Variants in CALCR observed in about 807,000 individuals in gnomAD.
CALCR encodes calcitonin receptor.
Under a neutral mutation model 59.5 loss-of-function variants are expected in CALCR, and 47 were observed. That is an observed-to-expected ratio of 0.79 (90% CI 0.63 to 1.01). The LOEUF is 1.01. Among genes scored for constraint, CALCR ranks in the 50% least tolerant of loss-of-function variants. The probability of loss-of-function intolerance (pLI) is 0.00; values close to 1 mark genes in which losing one functional copy is unlikely to be tolerated. For synonymous variants in CALCR, 213 were observed against 211.3 expected (o/e 1.01, Z -0.07); for missense variants, 566 against 597.1 (o/e 0.95, Z 0.54).
chr7:93,526,583 A>T (rs1288929558), intron 2 of CALCR, among the ~76,000 whole-genome samples: 1 of 152,096 alleles, frequency 6.6e-6, no homozygotes, highest in Non-Finnish European at 1.5e-5. Flanking sequence ...GGTCATAAAG[A>T]ATGTTAATAA....
At chr7:93,438,536 C>T (rs1467773646) in intron 9 of CALCR, among the ~76,000 whole-genome samples, 1 of 152,166 alleles carries the variant, frequency 6.6e-6, no homozygotes, top group African/African-American at 2.4e-5. Context: ...GTAGCAGGTA[C>T]ACTATGACTA....
chr7:93,559,185 G>A (rs1467579329), intron 2 of CALCR, among the ~76,000 whole-genome samples: 1 of 152,038 alleles, frequency 6.6e-6, no homozygotes, highest in Non-Finnish European at 1.5e-5. Context: ...TTAAAAATTA[G>A]TAGGCACATT....
At chr7:93,507,360 T>A (rs918033484) in intron 2 of CALCR, among the ~76,000 whole-genome samples, 1 of 151,740 alleles carries the variant, frequency 6.6e-6, no homozygotes, top group Non-Finnish European at 1.5e-5. Context: ...AAAACATTAG[T>A]TTAGGAGCAG....
chr7:93,510,739 G>A (rs1801528619), intron 2 of CALCR, among the ~76,000 whole-genome samples: 1 of 152,088 alleles, frequency 6.6e-6, no homozygotes, highest in South Asian at 2.1e-4. Flanking sequence ...CTAGGTGTCT[G>A]TAGTCCCAGC....
Position 93,487,000 on chromosome 7 carries a change from T to A in CALCR, c.-19A>T. The A allele has an allele frequency of 6.4e-7, 1 of 1,553,630 alleles. No homozygotes were observed. Among genetic ancestry groups the A allele is most frequent in the Non-Finnish European group, 8.9e-7 (1 of 1,129,198 alleles). On this transcript the variant is annotated 5_prime_UTR_variant, in exon 3 of 14. Transcript: ENST00000426151. ...ACCTCATTTTTGATTTTTGAAGATC[T>A]CTTTGTCCTAGAAAAATATAAAAGC...
chr7:93,511,571 A>G (rs1801546811), intron 2 of CALCR, among the ~76,000 whole-genome samples: 1 of 152,178 alleles, frequency 6.6e-6, no homozygotes, highest in Admixed American at 6.5e-5. Flanking sequence ...AAATTACTAG[A>G]TATGTGAAAA....
chr7:93,450,211 C>A (rs1418152924), intron 8 of CALCR, among the ~76,000 whole-genome samples: 1 of 151,980 alleles, frequency 6.6e-6, no homozygotes, highest in East Asian at 1.9e-4. Context: ...GGAAAAACCT[C>A]CTTTAAAGAT....
intron 8 of CALCR, among the ~76,000 whole-genome samples, chr7:93,444,648 A>G (rs1197735724): frequency 2.0e-5 from 3 of 152,058 alleles, no homozygotes; most frequent in Non-Finnish European, 2.9e-5. Context: ...GATGTTGCCC[A>G]GTCTTCCCTG....
chr7:93,426,861 G>T (rs1427290474), intron 13 of CALCR, among the ~76,000 whole-genome samples: 7 of 152,182 alleles, frequency 4.6e-5, no homozygotes, highest in Non-Finnish European at 1.0e-4. Flanking sequence ...CATATCCAAT[G>T]AATAAAAGTT....
At chr7:93,571,877 T>C (rs1019115075) in intron 2 of CALCR, among the ~76,000 whole-genome samples, 12 of 152,148 alleles carry the variant, frequency 7.9e-5, no homozygotes, top group African/African-American at 2.9e-4. Context: ...ACCGGGTATA[T>C]GGTAGTTAGT....
Position 93,486,947 on chromosome 7 carries a change from A to G in CALCR, c.35T>C (p.Leu12Pro), listed in dbSNP as rs753856772. Residue 12 changes from leucine to proline, a missense_variant, in exon 3 of 14, where the codon CTG (leucine) becomes CCG (proline). By Grantham distance (98) the Leu-to-Pro change is moderately conservative. Coordinates refer to ENST00000426151, the MANE Select transcript of CALCR (RefSeq NM_001742.4). ...TTTACTTACATTTAGAAGAAGAAAC[A>G]GTGCCAAGCACCGGCTTGTAAATGT... ...RFTFTSRCLA[L>P]FLLLNHPTPI... 6.3e-7 allele frequency: 1 copy of G among 1,592,306 alleles called. No homozygotes were observed. Among genetic ancestry groups the G allele is most frequent in the Non-Finnish European group, 8.6e-7 (1 of 1,163,410 alleles).
At chr7:93,541,057 T>C (rs1462962031) in intron 2 of CALCR, among the ~76,000 whole-genome samples, 1 of 152,120 alleles carries the variant, frequency 6.6e-6, no homozygotes, top group Non-Finnish European at 1.5e-5. Context: ...GGTTTATAAT[T>C]TGTAAAATAT....
intron 6 of CALCR, among the ~76,000 whole-genome samples, chr7:93,471,947 T>G (rs1270525440): frequency 6.6e-6 from 1 of 151,816 alleles, no homozygotes; most frequent in East Asian, 1.9e-4. Flanking sequence ...TATGCTTTAT[T>G]ACAAAACTAA....
At chr7:93,455,361 T>C (rs1029885644) in intron 8 of CALCR, among the ~76,000 whole-genome samples, 2 of 152,036 alleles carry the variant, frequency 1.3e-5, no homozygotes, top group African/African-American at 4.8e-5. Flanking sequence ...AGGTTGACAA[T>C]GTTCAATAAC....
intron 11 of CALCR, among the ~76,000 whole-genome samples, 163 bp from the exon 12 acceptor site, chr7:93,436,333 C>T (rs1226379846): frequency 6.7e-6 from 1 of 149,982 alleles, no homozygotes; most frequent in Non-Finnish European, 1.5e-5. Context: ...ATTTCTAGGG[C>T]TCTAGAGAAG....
intron 5 of CALCR, among the ~76,000 whole-genome samples, chr7:93,475,763 T>C (rs915524247): frequency 3.3e-5 from 5 of 151,858 alleles, no homozygotes; most frequent in African/African-American, 1.2e-4. Flanking sequence ...TTTGTCCTAC[T>C]TCACCTGATG....
chr7:93,571,835 A>AT (rs917178923), intron 2 of CALCR, among the ~76,000 whole-genome samples: 26 of 152,118 alleles, frequency 1.7e-4, no homozygotes, highest in Admixed American at 1.3e-3. Context: ...CTTAAAACAT[A>AT]TTTTTTGTAA....
chr7:93,470,734 T>TTTTTTA (rs571937536), intron 6 of CALCR, among the ~76,000 whole-genome samples: 1 of 151,446 alleles, frequency 6.6e-6, no homozygotes, highest in Non-Finnish European at 1.5e-5. Flanking sequence ...AGCATTTTAT[T>TTTTTTA]TTTTTATTTT....
chr7:93,519,418 T>C (rs895843435), intron 2 of CALCR, among the ~76,000 whole-genome samples: 4 of 152,042 alleles, frequency 2.6e-5, no homozygotes, highest in African/African-American at 7.2e-5. Flanking sequence ...GAAAGTTACT[T>C]AACCACTCTT....
Sources: allele counts gnomAD v4.1 joint callset (sites outside exome capture counted in the v4.1 genomes callset), GRCh38; gene constraint gnomAD v4.1.1; transcripts MANE v1.5; gene names NCBI Gene and HGNC (gene_info 2026-07-23, HGNC 2026-07-21).